Variants in PCDHGB2 observed in about 807,000 individuals in gnomAD.
The protein encoded by PCDHGB2 is protocadherin gamma subfamily B, 2, also known as protocadherin gamma-B2.
PCDHGB2 carries 55 observed loss-of-function variants against 59.3 expected under a neutral mutation model. The observed-to-expected ratio is 0.93, with a 90% confidence interval of 0.75 to 1.16. PCDHGB2 has a LOEUF of 1.16. Among genes scored for constraint, PCDHGB2 ranks in the 50% most tolerant of loss-of-function variants. The probability of loss-of-function intolerance (pLI) is 0.00; values close to 1 mark genes in which losing one functional copy is unlikely to be tolerated. For synonymous variants in PCDHGB2, 516 were observed against 512.0 expected (o/e 1.01, Z -0.11); for missense variants, 1,228 against 1,198.5 (o/e 1.02, Z -0.36).
In PCDHGB2 at chr5:141,431,643, A is replaced by G. The variant is rs528599572; in HGVS notation, c.2422-63164A>G. Reference sequence around the variant, plus strand: ...AAGGCGGCCCAAGTTTTCAAACTAGATTGTAATTCAGGGACAATATCAACA... The same window carrying G: ...AAGGCGGCCCAAGTTTTCAAACTAGGTTGTAATTCAGGGACAATATCAACA... On this transcript the variant is annotated intron_variant, in intron 1 of 3. Coordinates refer to ENST00000522605, the MANE Select transcript of PCDHGB2 (RefSeq NM_018923.3). The surrounding 1 kb of genome is among the most constrained non-coding windows in gnomAD (Gnocchi z 4.8). 5.0e-5 allele frequency: 81 copies of G among 1,614,240 alleles called. No individual in the cohort carries two copies. In the South Asian group the frequency reaches 7.4e-4, roughly 15 times the overall value.
intron 1 of PCDHGB2, chr5:141,394,165 C>G (rs1228690548): frequency 6.2e-7 from 1 of 1,613,930 alleles, no homozygotes; most frequent in African/African-American, 1.3e-5. Flanking sequence ...AACCCTCCTA[C>G]TTTCCCTCAT....
chr5:141,382,577 A>T (rs533715089), intron 1 of PCDHGB2, among the ~76,000 whole-genome samples: 47 of 152,338 alleles, frequency 3.1e-4, no homozygotes, highest in Middle Eastern at 6.8e-3. Flanking sequence ...TCTAACAGGG[A>T]AATTTTGAAA....
intron 1 of PCDHGB2, among the ~76,000 whole-genome samples, chr5:141,473,706 G>C (rs1241009670): frequency 6.6e-6 from 1 of 152,186 alleles, no homozygotes; most frequent in African/African-American, 2.4e-5. Context: ...CCTCCAAGTG[G>C]TGCAATGGAA....
chr5:141,399,738 G>C (rs1484510317), intron 1 of PCDHGB2: 2 of 1,613,268 alleles, frequency 1.2e-6, no homozygotes, highest in African/African-American at 1.3e-5. Flanking sequence ...GCTCGCCTGC[G>C]CTCAGCGCAA....
rs375487349 is a variant in PCDHGB2, at chr5:141,383,260, G to T, written c.2421+20704G>T. On this transcript the variant is annotated intron_variant, in intron 1 of 3. Transcript: ENST00000522605. ...TAAAATGAATCTTTACCCTATAGAC[G>T]TGGAAATAATAGATATTAATGACAA... is the stretch of plus-strand genomic sequence containing the variant. 2 of 1,613,782 alleles carry T rather than the reference G, an allele frequency of 1.2e-6. No homozygotes were observed. The highest frequency in any genetic ancestry group is 1.7e-6 in the Non-Finnish European group (2 of 1,179,874).
intron 1 of PCDHGB2, chr5:141,385,278 A>G (rs776235211): frequency 7.4e-6 from 12 of 1,613,478 alleles, no homozygotes; most frequent in Non-Finnish European, 1.0e-5. Flanking sequence ...CTTTGCTAAC[A>G]TCCGTAGATT....
chr5:141,442,348 CTG>C (rs1318031659), intron 1 of PCDHGB2: 1 of 152,378 alleles, frequency 6.6e-6, no homozygotes, highest in Non-Finnish European at 1.5e-5. Context: ...TTCTGGGTAA[CTG>C]TAGCTCTATG....
At chr5:141,375,769 C>G in intron 1 of PCDHGB2, 2 of 1,614,238 alleles carry the variant, frequency 1.2e-6, no homozygotes, top group Non-Finnish European at 1.7e-6. Context: ...CGCCCGAGAT[C>G]CTGTACCCCG....
At chr5:141,365,307 CT>C in intron 1 of PCDHGB2, 2 of 1,613,992 alleles carry the variant, frequency 1.2e-6, no homozygotes, top group Non-Finnish European at 1.7e-6. Flanking sequence ...GATGGAGGCG[CT>C]CTTGTTGCCA....
At chr5:141,374,085 TG>T (rs1282444417) in intron 1 of PCDHGB2, 2 of 1,528,732 alleles carry the variant, frequency 1.3e-6, no homozygotes, top group Non-Finnish European at 1.8e-6. Flanking sequence ...AAGCCAGTAA[TG>T]GCGCCTCCGC....
At chr5:141,389,828 A>C in intron 1 of PCDHGB2, 1 of 1,613,938 alleles carries the variant, frequency 6.2e-7, no homozygotes, top group Non-Finnish European at 8.5e-7. Flanking sequence ...GTGACGGTGG[A>C]CAGCCACCAC....
chr5:141,384,958 T>C, intron 1 of PCDHGB2: 1 of 1,613,954 alleles, frequency 6.2e-7, no homozygotes, highest in Non-Finnish European at 8.5e-7. Flanking sequence ...TCCTTACAAC[T>C]ATGACCTCAC....
chr5:141,497,775 A>G (rs2099779384), intron 2 of PCDHGB2, among the ~76,000 whole-genome samples: 2 of 152,054 alleles, frequency 1.3e-5, no homozygotes, highest in South Asian at 4.2e-4. Context: ...CCCGACCTCA[A>G]CTGATCCACC....
intron 1 of PCDHGB2, among the ~76,000 whole-genome samples, chr5:141,460,763 T>A (rs904048213): frequency 4.6e-5 from 7 of 152,170 alleles, no homozygotes; most frequent in Admixed American, 1.3e-4. Context: ...ATATACATAT[T>A]GCATATGTAT....
At chr5:141,374,748 G>A (rs372161900) in intron 1 of PCDHGB2, 115 of 1,611,770 alleles carry the variant, frequency 7.1e-5, no homozygotes, top group Non-Finnish European at 8.7e-5. Flanking sequence ...GACCCTGTCC[G>A]CTCAAGCGTC....
At chr5:141,414,890 C>T in intron 1 of PCDHGB2, 5 of 1,614,232 alleles carry the variant, frequency 3.1e-6, no homozygotes, top group Non-Finnish European at 4.2e-6. Context: ...CCCGCCCTCC[C>T]CACAGACGGT....
Position 141,486,534 on chromosome 5 carries a change from C to G in PCDHGB2, c.2422-8273C>G. The stretch of plus-strand genomic sequence containing the variant: ...TCAGATGTGAATGATAATCCACCCT[C>G]TTTCTTTCAGAGGTCACATGAGGTG... On this transcript the variant is annotated intron_variant, in intron 1 of 3. Transcript: ENST00000522605. The surrounding 1 kb of genome is among the most constrained non-coding windows in gnomAD (Gnocchi z 5.0). 1 of 1,614,176 alleles carries G rather than the reference C, an allele frequency of 6.2e-7. No individual in the cohort carries two copies. Among genetic ancestry groups the G allele is most frequent in the Non-Finnish European group, 8.5e-7 (1 of 1,180,030 alleles).
At chr5:141,397,770 A>G (rs913843546) in intron 1 of PCDHGB2, among the ~76,000 whole-genome samples, 13 of 152,238 alleles carry the variant, frequency 8.5e-5, no homozygotes, top group African/African-American at 2.2e-4. Flanking sequence ...TTTATTAAGT[A>G]TATGGACGTA....
In PCDHGB2 at chr5:141,489,120, G is replaced by C; in HGVS notation, c.2422-5687G>C. The C allele has an allele frequency of 1.1e-5, 5 of 445,662 alleles. No homozygotes were observed. Among genetic ancestry groups the C allele is most frequent in the East Asian group, 3.8e-5 (1 of 26,010 alleles). The allele number at this position is 445,662 out of a possible 1,614,324, so 27.6% of individuals were successfully genotyped here. ...AACTGCTGCAAGCAGGCAAACCTCC[G>C]AGCAGTTTTTAAGAGGCTGGAAGGA... On this transcript the variant is annotated intron_variant, in intron 1 of 3. Transcript: ENST00000522605. This position sits in a 1 kb window ranked among gnomAD's most constrained non-coding sequence, Gnocchi z 4.5.
Sources: allele counts gnomAD v4.1 joint callset (sites outside exome capture counted in the v4.1 genomes callset), GRCh38; gene constraint gnomAD v4.1.1; non-coding constraint Gnocchi (gnomAD v3.1); transcripts MANE v1.5; gene names NCBI Gene and HGNC (gene_info 2026-07-23, HGNC 2026-07-21).